Variants in HERC4 observed in about 807,000 individuals in gnomAD.
HERC4 encodes the protein probable E3 ubiquitin-protein ligase HERC4.
HERC4 carries 28 observed loss-of-function variants against 124.3 expected under a neutral mutation model. That is an observed-to-expected ratio of 0.23 (90% CI 0.17 to 0.31). The LOEUF is 0.31. Among genes scored for constraint, HERC4 ranks in the 10% least tolerant of loss-of-function variants. The probability of loss-of-function intolerance (pLI) is 1.00; values close to 1 mark genes in which losing one functional copy is unlikely to be tolerated. For missense variants in HERC4, 713 were observed against 1,229.3 expected (o/e 0.58, Z 6.28); for synonymous variants, 407 against 421.5 (o/e 0.97, Z 0.42).
At chr10:68,010,514 G>C (rs936802278) in intron 9 of HERC4, 1 of 953,146 alleles carries the variant, frequency 1.0e-6, no homozygotes, top group African/African-American at 1.6e-5. Context: ...CAATGTGACT[G>C]ATCTGCTGCA....
chr10:67,925,455 T>C (rs2030797166), intron 23 of HERC4, among the ~76,000 whole-genome samples: 2 of 152,182 alleles, frequency 1.3e-5, no homozygotes, highest in African/African-American at 2.4e-5. Context: ...CTAGATAAAA[T>C]AATGTTATAG....
chr10:67,925,013 A>G (rs2030727434), intron 24 of HERC4, 72 bp downstream of exon 24: 1 of 826,830 alleles, frequency 1.2e-6, no homozygotes, highest in Non-Finnish European at 1.9e-6. Flanking sequence ...TGAAGATTAA[A>G]ACAGGGCTTT....
rs2030740760 is a variant in HERC4, at chr10:67,925,077, ATACT to A, written c.2941+4_2941+7del. The A allele has an allele frequency of 6.9e-7, 1 of 1,444,358 alleles. No homozygotes were observed. Among genetic ancestry groups the A allele is most frequent in the South Asian group, 1.1e-5 (1 of 86,972 alleles). 89.5% of individuals were successfully genotyped at this position (1,444,358 alleles called of 1,614,324 possible). A position where few individuals can be genotyped will look rare whatever the true frequency, so the allele number is the denominator to read the frequency against. ...TCATAAAGTATACAACTAGTTAGAA[ATACT>A]TACACAGAAACTGTTTCTTCTTTTC... On this transcript the variant is annotated splice_donor_5th_base_variant and intron_variant, in intron 24 of 24. Transcript: ENST00000373700.
rs1392728447 is a variant in HERC4, at chr10:67,954,582, T to C, written c.2337+13A>G. ...ATATACACAGAAGTAATTTAGATGG[T>C]TGGACATTTTACCTTATCAGAAAAC... On this transcript the variant is annotated intron_variant, in intron 19 of 24. Coordinates refer to ENST00000373700, the MANE Select transcript of HERC4 (RefSeq NM_015601.4). 2 of 1,607,800 alleles carry C rather than the reference T, an allele frequency of 1.2e-6. No homozygotes were observed. The highest frequency in any genetic ancestry group is 1.7e-6 in the Non-Finnish European group (2 of 1,176,046).
intron 21 of HERC4, among the ~76,000 whole-genome samples, chr10:67,937,564 A>C (rs1255148583): frequency 2.0e-5 from 3 of 152,294 alleles, no homozygotes; most frequent in South Asian, 2.1e-4. Context: ...AAAGAACCAA[A>C]ATTTCATAGA....
intron 15 of HERC4, among the ~76,000 whole-genome samples, chr10:67,979,981 C>G (rs2035832757): frequency 6.6e-6 from 1 of 151,662 alleles, no homozygotes; most frequent in Non-Finnish European, 1.5e-5. Context: ...AAACAAATAA[C>G]ATACAATGGT....
At chr10:67,986,290 T>C (rs1241990438) in intron 15 of HERC4, among the ~76,000 whole-genome samples, 4 of 152,262 alleles carry the variant, frequency 2.6e-5, no homozygotes, top group Admixed American at 1.3e-4. Context: ...GTAGTGGTTT[T>C]CCATTCAAGT....
intron 23 of HERC4, 141 bp downstream of exon 23, chr10:67,932,456 T>G: frequency 1.5e-6 from 1 of 661,630 alleles, no homozygotes; most frequent in Non-Finnish European, 2.5e-6. Context: ...AATCCATTCA[T>G]TGTGGAGTTT....
chr10:68,069,441 G>A (rs1000002975), intron 3 of HERC4: 39 of 985,080 alleles, frequency 4.0e-5, no homozygotes, highest in Middle Eastern at 5.2e-4. Context: ...AGATGAACAT[G>A]AACATAATCT....
At chr10:67,983,373 C>A (rs537045840) in intron 15 of HERC4, among the ~76,000 whole-genome samples, 5 of 152,128 alleles carry the variant, frequency 3.3e-5, no homozygotes, top group Admixed American at 6.5e-5. Flanking sequence ...TGCTGAGGAG[C>A]TACCCAAAAG....
chr10:67,924,508 G>A (rs2030647155), intron 24 of HERC4, among the ~76,000 whole-genome samples: 2 of 152,140 alleles, frequency 1.3e-5, no homozygotes, highest in Admixed American at 6.5e-5. Context: ...GTAGGTATTT[G>A]TGTATCTAAA....
intron 16 of HERC4, among the ~76,000 whole-genome samples, chr10:67,957,794 T>C (rs2034239013): frequency 6.6e-6 from 1 of 152,142 alleles, no homozygotes; most frequent in African/African-American, 2.4e-5. Flanking sequence ...TAGACAGTTC[T>C]TTATAGTCTG....
chr10:68,003,278 C>T (rs2037340631), intron 9 of HERC4, among the ~76,000 whole-genome samples: 1 of 151,646 alleles, frequency 6.6e-6, no homozygotes, highest in Non-Finnish European at 1.5e-5. Flanking sequence ...CACAGCCTCC[C>T]GAGTAGCTGG....
intron 7 of HERC4, 68 bp downstream of exon 7, chr10:68,032,710 T>C (rs1014639695): frequency 7.6e-6 from 6 of 788,542 alleles, no homozygotes; most frequent in African/African-American, 3.4e-5. Context: ...GAAAATACCA[T>C]GAGAACATTC....
intron 4 of HERC4, chr10:68,040,361 A>G (rs2039698820): frequency 4.2e-6 from 4 of 947,684 alleles, no homozygotes; most frequent in Middle Eastern, 5.4e-4. Flanking sequence ...ATGTATTAAT[A>G]CCCTAAAGAA....
chr10:68,043,705 A>G (rs554906622), intron 4 of HERC4, among the ~76,000 whole-genome samples: 11 of 152,170 alleles, frequency 7.2e-5, no homozygotes, highest in Admixed American at 2.6e-4. Context: ...AATCCCAGCT[A>G]CTCAGGAGGC....
At chr10:67,962,280 TAC>T (rs2034574869) in intron 16 of HERC4, among the ~76,000 whole-genome samples, 2 of 151,718 alleles carry the variant, frequency 1.3e-5, no homozygotes, top group Admixed American at 1.3e-4. Flanking sequence ...CTATACTATA[TAC>T]CAAGGGAGTT....
At chr10:68,013,889 T>C (rs1200307677) in intron 9 of HERC4, 137 bp downstream of exon 9, 1 of 655,322 alleles carries the variant, frequency 1.5e-6, no homozygotes, top group African/African-American at 1.8e-5. Context: ...AACAACCATA[T>C]ACATTGTTCT....
Position 67,936,218 on chromosome 10 carries a change from A to T in HERC4, c.2589T>A (p.Phe863Leu), listed in dbSNP as rs759710104. 1.3e-6 allele frequency: 2 copies of T among 1,599,016 alleles called. No individual in the cohort carries two copies. Among genetic ancestry groups the T allele is most frequent in the Non-Finnish European group, 1.7e-6 (2 of 1,173,664 alleles). ...CLNFTITVEN[F>L]GATEVKELVL... ...CCAGCTCTTTCACTTCTGTTGCACC[A>T]AAGTTTTCAACTGTGATCTATTAAT... is the stretch of plus-strand genomic sequence containing the variant. Residue 863 changes from phenylalanine (F) to leucine (L), a missense_variant, in exon 22 of 25, where the codon TTT becomes TTA. Transcript: ENST00000373700.
Sources: allele counts gnomAD v4.1 joint callset (sites outside exome capture counted in the v4.1 genomes callset), GRCh38; gene constraint gnomAD v4.1.1; transcripts MANE v1.5; gene names NCBI Gene and HGNC (gene_info 2026-07-23, HGNC 2026-07-21).